Variants in MALT1 observed in about 807,000 individuals in gnomAD.
MALT1 encodes MALT1 paracaspase.
In MALT1, 36 loss-of-function variants were observed where a neutral mutation model predicts 85.5. The ratio of observed to expected loss-of-function variants is 0.42; its 90% CI spans 0.32 to 0.56. The LOEUF is 0.56. Ranked by LOEUF, MALT1 falls within the 20% of genes least tolerant of loss-of-function variation. The pLI is 0.10. For synonymous variants in MALT1, 359 were observed against 361.3 expected (o/e 0.99, Z 0.07); for missense variants, 716 against 981.6 (o/e 0.73, Z 3.62).
intron 1 of MALT1, among the ~76,000 whole-genome samples, chr18:58,680,612 A>C (rs2054305538): frequency 6.6e-6 from 1 of 152,166 alleles, no homozygotes. Flanking sequence ...GTCAGTATCA[A>C]GGCTCAATTT....
intron 11 of MALT1, 184 bp from the exon 12 acceptor site, chr18:58,734,123 C>A: frequency 7.6e-7 from 1 of 1,317,880 alleles, no homozygotes; most frequent in Non-Finnish European, 9.8e-7. Flanking sequence ...AGTTTTAAAG[C>A]TAACAAGGAG....
In MALT1 at chr18:58,707,191, C is replaced by CT. The variant is rs886673230; in HGVS notation, c.650-2177dup. 1.4e-4 allele frequency among the ~76,000 whole-genome samples: 21 copies of CT among 148,696 alleles called. 1 individual carries two copies. The South Asian group carries it at 3.0e-3, about 21-fold the overall frequency. On this transcript the variant is annotated intron_variant, in intron 4 of 16. Coordinates refer to ENST00000649217, the MANE Select transcript of MALT1 (RefSeq NM_006785.4). ...AAATTTCTGTTATTTCCATTTGGCT[C>CT]TTTTTTTTTTCTTCAATTTCTCACT...
At chr18:58,696,209 T>G (rs2054585006) in intron 2 of MALT1, among the ~76,000 whole-genome samples, 157 bp from the exon 3 acceptor site, 1 of 152,172 alleles carries the variant, frequency 6.6e-6, no homozygotes, top group Non-Finnish European at 1.5e-5. Context: ...ACTCACAAAG[T>G]GTAAATTGAT....
chr18:58,713,199 A>G (rs1180652859), intron 7 of MALT1, among the ~76,000 whole-genome samples: 1 of 152,184 alleles, frequency 6.6e-6, no homozygotes, highest in Non-Finnish European at 1.5e-5. Flanking sequence ...AAAAAGTATG[A>G]ATAGTATATA....
intron 2 of MALT1, among the ~76,000 whole-genome samples, chr18:58,689,813 C>T (rs532769029): frequency 3.3e-5 from 5 of 152,130 alleles, no homozygotes; most frequent in South Asian, 2.1e-4. Flanking sequence ...GTGGCGGTTG[C>T]GGGGGATGGC....
chr18:58,744,376 G>A lies in MALT1; in HGVS notation c.1792G>A (p.Val598Ile), dbSNP rs1394257704. ...TATGTGTCTTAAGTTTGACTGTGGT[G>A]TTCAGATTCAATTAGGATTTGCAGC... The part of the protein sequence containing the change: ...ESMCLKFDCG[V>I]QIQLGFAAEF... The change falls in exon 15 of 17, where the codon GTT (valine) becomes ATT (isoleucine). Residue 598 changes from valine to isoleucine, a missense_variant. Transcript: ENST00000649217. 1 of 1,606,406 alleles carries A rather than the reference G, an allele frequency of 6.2e-7. No individual in the cohort carries two copies. The highest frequency in any genetic ancestry group is 1.7e-5 in the Admixed American group (1 of 59,378).
intron 9 of MALT1, among the ~76,000 whole-genome samples, chr18:58,719,605 A>C (rs1400097483): frequency 2.0e-5 from 3 of 152,216 alleles, no homozygotes; most frequent in Non-Finnish European, 4.4e-5. Context: ...AAGTCGTGAT[A>C]CAGCCCAGAT....
intron 3 of MALT1, among the ~76,000 whole-genome samples, chr18:58,700,068 C>T (rs2054649905): frequency 6.6e-6 from 1 of 152,354 alleles, no homozygotes; most frequent in Admixed American, 6.5e-5. Context: ...TCTGTGTTTT[C>T]TCTATGCCGC....
Position 58,750,853 on chromosome 18 carries a change from A to G in MALT1, c.*3011A>G, listed in dbSNP as rs1239555606. On this transcript the variant is annotated 3_prime_UTR_variant, in exon 17 of 17. Transcript: ENST00000649217. ...CATAATACCAAAAGCACAAGCAACA[A>G]AGGCAAACAGTAGATAAATGGGACT... is the stretch of plus-strand genomic sequence containing the variant. 6.6e-6 allele frequency: 1 copy of G among 152,228 alleles called. No homozygotes were observed. The highest frequency in any genetic ancestry group is 2.4e-5 in the African/African-American group (1 of 41,462). The allele number at this position is 152,228 out of a possible 1,614,324, so 9.4% of individuals were successfully genotyped here. A position where few individuals can be genotyped will look rare whatever the true frequency, so the allele number is the denominator to read the frequency against.
At chr18:58,679,264 TA>T (rs2054285413) in intron 1 of MALT1, among the ~76,000 whole-genome samples, 2 of 152,270 alleles carry the variant, frequency 1.3e-5, no homozygotes, top group Admixed American at 6.5e-5. Flanking sequence ...CTGGTATTTT[TA>T]AAAGAATAGT....
intron 9 of MALT1, among the ~76,000 whole-genome samples, chr18:58,717,746 C>CAAA (rs35207196): frequency 2.2e-4 from 22 of 100,518 alleles, no homozygotes; most frequent in African/African-American, 3.7e-4. Flanking sequence ...ACTCTTGTCT[C>CAAA]AAAAAAAAAA....
chr18:58,694,886 T>C (rs1418902423), intron 2 of MALT1, among the ~76,000 whole-genome samples: 1 of 152,236 alleles, frequency 6.6e-6, no homozygotes, highest in Non-Finnish European at 1.5e-5. Flanking sequence ...CCTCACTGGC[T>C]GTGGCGGGAG....
At chr18:58,722,197 T>TA (rs1459780874) in intron 9 of MALT1, among the ~76,000 whole-genome samples, 1 of 151,972 alleles carries the variant, frequency 6.6e-6, no homozygotes, top group Non-Finnish European at 1.5e-5. Flanking sequence ...CAAAGAAAGG[T>TA]ACCGTGTTGA....
chr18:58,677,984 A>C (rs1309044856), intron 1 of MALT1, among the ~76,000 whole-genome samples: 1 of 152,214 alleles, frequency 6.6e-6, no homozygotes, highest in Non-Finnish European at 1.5e-5. Flanking sequence ...GTTAGCTTTA[A>C]TATTCTTTTA....
intron 2 of MALT1, among the ~76,000 whole-genome samples, chr18:58,683,993 A>G (rs1462410496): frequency 3.3e-5 from 5 of 152,150 alleles, no homozygotes; most frequent in South Asian, 2.1e-4. Flanking sequence ...ATGCAGTGAT[A>G]TGATCTCGGC....
chr18:58,724,491 A>G (rs899137788), intron 10 of MALT1, among the ~76,000 whole-genome samples: 5 of 152,218 alleles, frequency 3.3e-5, no homozygotes, highest in Non-Finnish European at 7.3e-5. Context: ...ATGAAAGAAT[A>G]TACAATGCAA....
chr18:58,692,671 T>C (rs1179346119), intron 2 of MALT1, among the ~76,000 whole-genome samples: 2 of 151,954 alleles, frequency 1.3e-5, no homozygotes, highest in Non-Finnish European at 2.9e-5. Context: ...AAAGGAAGAG[T>C]CACATGTCTC....
At chr18:58,741,444 C>G (rs2055300632) in intron 13 of MALT1, 1 of 152,084 alleles carries the variant, frequency 6.6e-6, no homozygotes, top group African/African-American at 2.4e-5. Context: ...ATAATTTTGT[C>G]TCTTTTTTTA....
At chr18:58,706,403 C>T (rs1383317593) in intron 4 of MALT1, among the ~76,000 whole-genome samples, 1 of 152,184 alleles carries the variant, frequency 6.6e-6, no homozygotes, top group Non-Finnish European at 1.5e-5. Flanking sequence ...GATCCACCTG[C>T]CTCGGCCTCC....
Sources: gnomAD v4.1 joint callset for allele counts (sites outside exome capture counted in the v4.1 genomes callset) on GRCh38, gnomAD v4.1.1 for gene constraint, MANE v1.5 for transcripts, NCBI Gene and HGNC (gene_info 2026-07-23, HGNC 2026-07-21) for gene names.